PIK3R6: variants seen among roughly 807,000 people sequenced by gnomAD.
PIK3R6 encodes phosphoinositide 3-kinase regulatory subunit 6.
A neutral mutation model predicts 84.9 loss-of-function variants in PIK3R6; 91 were observed. The observed-to-expected ratio is 1.07, with a 90% confidence interval of 0.90 to 1.28. PIK3R6 has a LOEUF of 1.28. PIK3R6 is among the 50% of genes most tolerant of loss of function. The probability of loss-of-function intolerance (pLI) is 0.00; values close to 1 mark genes in which losing one functional copy is unlikely to be tolerated. For synonymous variants in PIK3R6, 416 were observed against 411.4 expected (o/e 1.01, Z -0.13); for missense variants, 996 against 985.1 (o/e 1.01, Z -0.15).
At chr17:8,832,646 C>T (rs1441360140) in intron 9 of PIK3R6, among the ~76,000 whole-genome samples, 3 of 151,634 alleles carry the variant, frequency 2.0e-5, no homozygotes, top group Admixed American at 6.5e-5. Flanking sequence ...TCAGGTGATC[C>T]GCCTGCCTCG....
intron 1 of PIK3R6, among the ~76,000 whole-genome samples, chr17:8,851,723 G>A (rs1337917656): frequency 6.6e-6 from 1 of 152,098 alleles, no homozygotes; most frequent in Non-Finnish European, 1.5e-5. Context: ...AAAAAGTCAA[G>A]CATAGAATTA....
chr17:8,858,656 C>T (rs1256199324), intron 1 of PIK3R6, among the ~76,000 whole-genome samples: 5 of 152,100 alleles, frequency 3.3e-5, no homozygotes, highest in Admixed American at 6.5e-5. Flanking sequence ...TTGTATGCAC[C>T]GTGCCATAAA....
intron 2 of PIK3R6, among the ~76,000 whole-genome samples, chr17:8,847,672 G>A (rs755389060): frequency 5.3e-5 from 8 of 152,116 alleles, no homozygotes; most frequent in Non-Finnish European, 1.0e-4. Context: ...ACATGGTGGT[G>A]CATGCCTGTA....
intron 13 of PIK3R6, among the ~76,000 whole-genome samples, chr17:8,826,528 C>T (rs1239797003): frequency 6.6e-6 from 1 of 152,098 alleles, no homozygotes; most frequent in Non-Finnish European, 1.5e-5. Context: ...AACATAGGAA[C>T]AGAAAACCAA....
Position 8,838,624 on chromosome 17 carries a change from G to A in PIK3R6, c.129C>T (p.Val43=), listed in dbSNP as rs765644430. 1.3e-5 allele frequency: 21 copies of A among 1,606,238 alleles called. No homozygotes were observed. Among genetic ancestry groups the A allele is most frequent in the South Asian group, 2.2e-5 (2 of 89,198 alleles). ...GMWRWSLHKK[V]ERDPGKSPVL... The stretch of plus-strand genomic sequence containing the variant: ...CTGGGCTCTTACCGGGATCTCGCTC[G>A]ACCTTCTTGTGCAGGGACCACCTCC... Residue 43 remains valine (V), a synonymous_variant, in exon 4 of 20, where the codon GTC becomes GTT. Transcript: ENST00000619866.
In PIK3R6 at chr17:8,832,949, C is replaced by T. The variant is rs765714511; in HGVS notation, c.742G>A (p.Val248Ile). The change falls in exon 9 of 20, where the codon GTA becomes ATA. Residue 248 changes from valine (V) to isoleucine (I), a missense_variant. Coordinates refer to ENST00000619866, the MANE Select transcript of PIK3R6 (RefSeq NM_001010855.4). ...CAGTAAATCTCCTCCAGCCTCTCTA[C>T]GTGTCCCTCCCGGCTCGGGCTGGCC... ...SEASPSREGHVERLEEIYCSL... is the reference protein window; with the variant it reads ...SEASPSREGHIERLEEIYCSL... The T allele has an allele frequency of 4.3e-6, 7 of 1,612,958 alleles. No individual in the cohort carries two copies. The highest frequency in any genetic ancestry group is 3.3e-5 in the South Asian group (3 of 91,084).
chr17:8,837,711 C>A (rs1444865616), intron 5 of PIK3R6, 92 bp downstream of exon 5: 1 of 1,128,770 alleles, frequency 8.9e-7, no homozygotes, highest in Non-Finnish European at 1.3e-6. Context: ...TAGGCTCATC[C>A]TGGCGGAGAC....
intron 17 of PIK3R6, among the ~76,000 whole-genome samples, chr17:8,819,538 G>A (rs2087648799): frequency 6.6e-6 from 1 of 151,740 alleles, no homozygotes; most frequent in African/African-American, 2.4e-5. Flanking sequence ...CAGCTCTTGG[G>A]CATGCTAAGA....
intron 16 of PIK3R6, 141 bp from the exon 17 acceptor site, chr17:8,822,077 AG>A: frequency 4.9e-6 from 3 of 606,408 alleles, no homozygotes; most frequent in South Asian, 2.2e-5. Context: ...TTTTTGAGCC[AG>A]GGGGTTTCAC....
At position 8,832,725 on chromosome 17, in the gene PIK3R6, C is replaced by G. The variant is rs572965871; in HGVS notation, c.802+164G>C. ...AGCCTAATTACCCGCCTCTTAGTCC[C>G]GGTCCTGCCAAACCCCCAGGCTGCC... is the stretch of plus-strand genomic sequence containing the variant. On this transcript the variant is annotated intron_variant, in intron 9 of 19. Transcript: ENST00000619866. Among the ~76,000 whole-genome samples, 13 of 152,214 alleles carry G rather than the reference C, an allele frequency of 8.5e-5. No individual in the cohort carries two copies. The South Asian group carries it at 2.3e-3, about 27-fold the overall frequency.
intron 8 of PIK3R6, among the ~76,000 whole-genome samples, chr17:8,833,355 A>G (rs1180998047): frequency 6.6e-6 from 1 of 152,212 alleles, no homozygotes; most frequent in Admixed American, 6.5e-5. Flanking sequence ...CAGCACTTGG[A>G]TCAATGTTCT....
intron 17 of PIK3R6, among the ~76,000 whole-genome samples, chr17:8,819,400 A>G (rs1490684682): frequency 1.3e-5 from 2 of 151,948 alleles, no homozygotes; most frequent in African/African-American, 4.8e-5. Flanking sequence ...TGGTGAATCC[A>G]CAAGTTTCTG....
chr17:8,828,845 G>A lies in PIK3R6; in HGVS notation c.1035C>T (p.Asp345=). Residue 345 remains aspartate, a synonymous_variant, in exon 11 of 20, where the codon GAC becomes GAT. Coordinates refer to ENST00000619866, the MANE Select transcript of PIK3R6 (RefSeq NM_001010855.4). ...VLSTDSGIER[D]LPTGADELPA... ...GCAGCTCATCAGCCCCCGTGGGAAG[G>A]TCCCGCTCAATGCCGCTGTCAGTGG... 6.3e-7 allele frequency: 1 copy of A among 1,597,102 alleles called. No homozygotes were observed. The highest frequency in any genetic ancestry group is 1.3e-5 in the African/African-American group (1 of 74,440).
In PIK3R6 at chr17:8,829,672, A is replaced by G. The variant is rs188469101; in HGVS notation, c.889+34T>C. 1.5e-3 allele frequency: 2,310 copies of G among 1,534,404 alleles called. 4 individuals carry two copies. Among genetic ancestry groups the G allele is most frequent in the Non-Finnish European group, 1.9e-3 (2,144 of 1,131,946 alleles). ...CATACACACACAGACACAGACATAT[A>G]CCACTGTTTCCAGACAGCTCCATGG... On this transcript the variant is annotated intron_variant, in intron 10 of 19. Coordinates refer to ENST00000619866, the MANE Select transcript of PIK3R6 (RefSeq NM_001010855.4).
chr17:8,837,747 C>A (rs984143273), intron 5 of PIK3R6, 56 bp downstream of exon 5: 2 of 1,472,676 alleles, frequency 1.4e-6, no homozygotes, highest in Non-Finnish European at 1.9e-6. Context: ...GGGAGAGTGT[C>A]CAGCCCAGCC....
chr17:8,866,045 T>A (rs906744357), intron 1 of PIK3R6, among the ~76,000 whole-genome samples: 2 of 151,812 alleles, frequency 1.3e-5, no homozygotes. Context: ...CTGCAGCAGG[T>A]TCTAGTGTGA....
intron 1 of PIK3R6, among the ~76,000 whole-genome samples, chr17:8,865,575 G>A (rs2089387851): frequency 6.6e-6 from 1 of 152,054 alleles, no homozygotes. Context: ...AGGGTTTCAG[G>A]GGCAGCTCAG....
At chr17:8,850,130 C>A (rs570421546) in intron 1 of PIK3R6, among the ~76,000 whole-genome samples, 2 of 151,828 alleles carry the variant, frequency 1.3e-5, no homozygotes, top group Non-Finnish European at 2.9e-5. Flanking sequence ...ATGGTGAAAC[C>A]CCGTCTCTAC....
At position 8,839,743 on chromosome 17, in the gene PIK3R6, A is replaced by C. The variant is rs1597419590; in HGVS notation, c.14-46T>G. On this transcript the variant is annotated intron_variant, in intron 2 of 19. Coordinates refer to ENST00000619866, the MANE Select transcript of PIK3R6 (RefSeq NM_001010855.4). This position sits in a 1 kb window ranked among gnomAD's most constrained non-coding sequence, Gnocchi z 4.2. ...GAGGAAACTCAGTCCACTGAACCTC[A>C]CCCTCGTCCCACCTCCATTCCTTCC... 3 of 1,454,190 alleles carry C rather than the reference A, an allele frequency of 2.1e-6. No homozygotes were observed. Among genetic ancestry groups the C allele is most frequent in the Non-Finnish European group, 2.8e-6 (3 of 1,065,096 alleles). 90.1% of individuals were successfully genotyped at this position (1,454,190 alleles called of 1,614,324 possible).
Sources: allele counts gnomAD v4.1 joint callset (sites outside exome capture counted in the v4.1 genomes callset), GRCh38; gene constraint gnomAD v4.1.1; non-coding constraint Gnocchi (gnomAD v3.1); transcripts MANE v1.5; gene names NCBI Gene and HGNC (gene_info 2026-07-23, HGNC 2026-07-21).